RAD54L2: variants seen among roughly 807,000 people sequenced by gnomAD.
RAD54L2 encodes RAD54 like 2, also known as helicase ARIP4.
In RAD54L2, 27 loss-of-function variants were observed where a neutral mutation model predicts 138.4. That is an observed-to-expected ratio of 0.20 (90% CI 0.14 to 0.27). The LOEUF (loss-of-function observed/expected upper bound fraction) is 0.27. Among genes scored for constraint, RAD54L2 ranks in the 10% least tolerant of loss-of-function variants. The pLI is 1.00. For missense variants in RAD54L2, 1,396 were observed against 1,890.2 expected (o/e 0.74, Z 4.85); for synonymous variants, 644 against 723.2 (o/e 0.89, Z 1.76).
At chr3:51,543,182 A>G (rs1186564427) in intron 2 of RAD54L2, among the ~76,000 whole-genome samples, 1 of 152,170 alleles carries the variant, frequency 6.6e-6, no homozygotes, top group African/African-American at 2.4e-5. Flanking sequence ...CAGGAAAAAA[A>G]AAAAGTCCCA....
At chr3:51,567,212 G>T (rs1659703095) in intron 2 of RAD54L2, among the ~76,000 whole-genome samples, 1 of 152,138 alleles carries the variant, frequency 6.6e-6, no homozygotes, top group Non-Finnish European at 1.5e-5. Flanking sequence ...GTCCTTGGGG[G>T]TTTATATTAA....
At chr3:51,540,646 CT>C (rs1559609394) in intron 1 of RAD54L2, among the ~76,000 whole-genome samples, 6 of 151,662 alleles carry the variant, frequency 4.0e-5, no homozygotes, top group African/African-American at 1.5e-4. Context: ...CTAGTATAAA[CT>C]TTCAAGTGCA....
chr3:51,595,918 T>TTTCA (rs1699948366), intron 3 of RAD54L2, among the ~76,000 whole-genome samples: 2 of 149,522 alleles, frequency 1.3e-5, no homozygotes, highest in Admixed American at 1.3e-4. Context: ...TTTTTCTTTC[T>TTTCA]TTCATTCATT....
chr3:51,573,351 C>T (rs1699384758), intron 2 of RAD54L2, among the ~76,000 whole-genome samples: 1 of 152,120 alleles, frequency 6.6e-6, no homozygotes, highest in African/African-American at 2.4e-5. Flanking sequence ...CCTTTTTAAC[C>T]CTAAGGCATT....
intron 5 of RAD54L2, among the ~76,000 whole-genome samples, chr3:51,629,749 G>C (rs1403186555): frequency 6.6e-6 from 1 of 152,074 alleles, no homozygotes; most frequent in Non-Finnish European, 1.5e-5. Flanking sequence ...TGTAATCCCA[G>C]CTACTAGGAG....
chr3:51,648,430 C>A (rs1449198749), intron 19 of RAD54L2, among the ~76,000 whole-genome samples: 1 of 152,178 alleles, frequency 6.6e-6, no homozygotes, highest in African/African-American at 2.4e-5. Flanking sequence ...CGTCTGACAG[C>A]TCTGAAGAGA....
At chr3:51,542,099 T>C (rs1553671408) in intron 2 of RAD54L2, among the ~76,000 whole-genome samples, 1 of 152,148 alleles carries the variant, frequency 6.6e-6, no homozygotes, top group African/African-American at 2.4e-5. Flanking sequence ...GTTTTTGGAG[T>C]CTTCCCACTT....
chr3:51,656,880 C>A lies in RAD54L2; in HGVS notation c.3227-700C>A, dbSNP rs1023441751. ...CCTCCCGAGTTGCTGGAATTACAGG[C>A]GTGTGCCACTATGCCCGGTGAACTT... On this transcript the variant is annotated intron_variant, in intron 20 of 22. Transcript: ENST00000684192. Among the ~76,000 whole-genome samples the A allele has an allele frequency of 2.9e-4, 44 of 151,862 alleles. 1 individual carries two copies. The highest frequency in any genetic ancestry group is 2.5e-3 in the Admixed American group (38 of 15,228).
chr3:51,619,080 CAG>C lies in RAD54L2; in HGVS notation c.140-8470_140-8469del, dbSNP rs561987977. Among the ~76,000 whole-genome samples, 407 of 152,268 alleles carry C rather than the reference CAG, an allele frequency of 2.7e-3. 3 individuals are homozygous for C. The highest frequency in any genetic ancestry group is 9.1e-3 in the African/African-American group (377 of 41,552). ...TGTTTGTTTGTTTGTTTGTTTGAGACAGAGTCTTGCTCTGTTGCCCAGGCTGG... is the reference window on the plus strand; with the variant it reads ...TGTTTGTTTGTTTGTTTGTTTGAGACAGTCTTGCTCTGTTGCCCAGGCTGG... On this transcript the variant is annotated intron_variant, in intron 3 of 22. Transcript: ENST00000684192.
At chr3:51,558,131 C>T (rs1685030836) in intron 2 of RAD54L2, among the ~76,000 whole-genome samples, 1 of 151,972 alleles carries the variant, frequency 6.6e-6, no homozygotes, top group Non-Finnish European at 1.5e-5. Flanking sequence ...CAGGTGTGAG[C>T]CACCGCCCCT....
intron 2 of RAD54L2, among the ~76,000 whole-genome samples, chr3:51,566,375 T>C (rs1699216904): frequency 6.6e-6 from 1 of 151,910 alleles, no homozygotes; most frequent in African/African-American, 2.4e-5. Flanking sequence ...AGACTCCCTT[T>C]ATCCAGTGAA....
chr3:51,568,390 G>A (rs537096147), intron 2 of RAD54L2, among the ~76,000 whole-genome samples: 4 of 152,262 alleles, frequency 2.6e-5, no homozygotes, highest in Non-Finnish European at 4.4e-5. Context: ...CTTGAGACTA[G>A]GTCACAAGAA....
rs1701943900 is a variant in RAD54L2 at position 51,667,890 on chromosome 3, T to C, written c.*4470T>C. ...TTCCCTTTTGCAGGTCTATTTGACA[T>C]AGTAATCTAGTGTGTTGGGGAGGGG... On this transcript the variant is annotated 3_prime_UTR_variant, in exon 23 of 23. Coordinates refer to ENST00000684192, the MANE Select transcript of RAD54L2 (RefSeq NM_015106.4). The C allele has an allele frequency of 6.6e-6, 1 of 152,218 alleles. No individual in the cohort carries two copies. Among genetic ancestry groups the C allele is most frequent in the African/African-American group, 2.4e-5 (1 of 41,448 alleles). 9.4% of individuals were successfully genotyped at this position (152,218 alleles called of 1,614,324 possible). A position where few individuals can be genotyped will look rare whatever the true frequency, so the allele number is the denominator to read the frequency against.
At chr3:51,643,597 C>T (rs1278711787) in intron 15 of RAD54L2, among the ~76,000 whole-genome samples, 1 of 152,122 alleles carries the variant, frequency 6.6e-6, no homozygotes, top group South Asian at 2.1e-4. Flanking sequence ...CTATACATTC[C>T]GAAGTCTAGG....
chr3:51,615,406 C>T (rs1010151725), intron 3 of RAD54L2, among the ~76,000 whole-genome samples: 8 of 152,142 alleles, frequency 5.3e-5, no homozygotes, highest in Non-Finnish European at 1.0e-4. Flanking sequence ...AGAATATCTA[C>T]GTGTGGTTGT....
rs1700825881 is a variant in RAD54L2, at chr3:51,630,998, G to T, written c.825+67G>T. 6 of 1,463,778 alleles carry T rather than the reference G, an allele frequency of 4.1e-6. No individual in the cohort carries two copies. In the East Asian group the frequency reaches 1.1e-4, roughly 28 times the overall value. The allele number at this position is 1,463,778 out of a possible 1,614,324, so 90.7% of individuals were successfully genotyped here. A position where few individuals can be genotyped will look rare whatever the true frequency, so the allele number is the denominator to read the frequency against. On this transcript the variant is annotated intron_variant, in intron 7 of 22. Transcript: ENST00000684192. ...TCCTTGTTGTGAACATTGCCTGCTG[G>T]TGGTTATTAGCGTCACAGCCTGTGA... is the stretch of plus-strand genomic sequence containing the variant.
chr3:51,646,497 G>A lies in RAD54L2; in HGVS notation c.3026+16G>A. Reference sequence around the variant, plus strand: ...AGAGAAACTGGTGAGTTGCTGAAAGGGGAGGGTCTGCTGCTGGGCCAGGCA... The same window carrying A: ...AGAGAAACTGGTGAGTTGCTGAAAGAGGAGGGTCTGCTGCTGGGCCAGGCA... On this transcript the variant is annotated intron_variant, in intron 19 of 22. Transcript: ENST00000684192. The A allele has an allele frequency of 1.3e-6, 2 of 1,591,254 alleles. No individual in the cohort carries two copies. The highest frequency in any genetic ancestry group is 8.6e-7 in the Non-Finnish European group (1 of 1,166,258).
At chr3:51,584,243 C>T (rs1253704130) in intron 2 of RAD54L2, among the ~76,000 whole-genome samples, 5 of 152,184 alleles carry the variant, frequency 3.3e-5, no homozygotes, top group Non-Finnish European at 2.9e-5. Flanking sequence ...AGGTAGTTGT[C>T]TCCTGTGGAG....
Position 51,662,756 on chromosome 3 carries a change from C to G in RAD54L2, c.3740C>G (p.Pro1247Arg). 3.1e-6 allele frequency: 5 copies of G among 1,612,352 alleles called. No individual in the cohort carries two copies. The highest frequency in any genetic ancestry group is 4.2e-6 in the Non-Finnish European group (5 of 1,179,172). Residue 1247 changes from proline to arginine, a missense_variant, in exon 23 of 23, where the codon CCA becomes CGA. Around this residue, in one of 7 missense-constraint regions of RAD54L2, gnomAD observed 634 missense variants for 711.2 expected, o/e 0.89. Transcript: ENST00000684192. The surrounding 1 kb of genome is among the most constrained non-coding windows in gnomAD (Gnocchi z 4.6). Reference protein sequence around the residue: ...VTGQPCGDRHPVLDLRGHKRK... With the variant: ...VTGQPCGDRHRVLDLRGHKRK... ...GGCCAGCCCTGTGGTGACAGGCACC[C>G]AGTGCTGGACTTAAGGGGCCACAAG...
Sources: gnomAD v4.1 joint callset for allele counts (sites outside exome capture counted in the v4.1 genomes callset) on GRCh38, gnomAD v4.1.1 for gene constraint, gnomAD v4.1.1 regional missense constraint, Gnocchi (gnomAD v3.1) non-coding constraint, MANE v1.5 for transcripts, NCBI Gene and HGNC (gene_info 2026-07-23, HGNC 2026-07-21) for gene names.